DAB2: variants seen among roughly 807,000 people sequenced by gnomAD.
The protein encoded by DAB2 is DAB adaptor protein 2, also known as disabled homolog 2.
A neutral mutation model predicts 71.6 loss-of-function variants in DAB2; 28 were observed. That is an observed-to-expected ratio of 0.39 (90% confidence interval 0.29 to 0.54). The LOEUF is 0.54. Ranked by LOEUF, DAB2 falls within the 20% of genes least tolerant of loss-of-function variation. The pLI, the probability that DAB2 is intolerant of heterozygous loss-of-function variation, is 0.68. For synonymous variants in DAB2, 345 were observed against 339.7 expected, an observed-to-expected ratio of 1.02 and a Z score of -0.17; for missense variants, 867 against 928.8, an observed-to-expected ratio of 0.93 and a Z score of 0.86.
intron 14 of DAB2, among the ~76,000 whole-genome samples, chr5:39,374,250 C>T (rs1754766154): frequency 6.6e-6 from 1 of 151,376 alleles, no homozygotes; most frequent in Non-Finnish European, 1.5e-5. Flanking sequence ...ATTGTTCTAC[C>T]CCTACCAGCT....
chr5:39,384,681 G>A (rs1405438861), intron 9 of DAB2, among the ~76,000 whole-genome samples: 1 of 151,996 alleles, frequency 6.6e-6, no homozygotes, highest in Non-Finnish European at 1.5e-5. Context: ...TGATGAATCC[G>A]ACATGTCTTT....
chr5:39,381,928 C>G (rs1044923854), intron 10 of DAB2, among the ~76,000 whole-genome samples: 1 of 152,092 alleles, frequency 6.6e-6, no homozygotes, highest in African/African-American at 2.4e-5. Flanking sequence ...GTTGGGGGAG[C>G]AAGTGTGTAA....
chr5:39,412,881 G>T (rs1203301274), intron 1 of DAB2, among the ~76,000 whole-genome samples: 1 of 152,122 alleles, frequency 6.6e-6, no homozygotes, highest in African/African-American at 2.4e-5. Context: ...TTCAAAGACT[G>T]GGGCAACGTG....
intron 14 of DAB2, among the ~76,000 whole-genome samples, chr5:39,374,083 T>C (rs751848615): frequency 1.8e-4 from 27 of 152,168 alleles, no homozygotes; most frequent in Admixed American, 3.3e-4. Flanking sequence ...AAGCTCAATC[T>C]TATTGTTTTC....
At chr5:39,419,295 T>A (rs1755919415) in intron 1 of DAB2, among the ~76,000 whole-genome samples, 1 of 152,142 alleles carries the variant, frequency 6.6e-6, no homozygotes, top group African/African-American at 2.4e-5. Flanking sequence ...ACTGGGAGAT[T>A]TTCCATTGCT....
At chr5:39,419,644 T>A (rs900954785) in intron 1 of DAB2, among the ~76,000 whole-genome samples, 1 of 152,194 alleles carries the variant, frequency 6.6e-6, no homozygotes, top group Non-Finnish European at 1.5e-5. Flanking sequence ...GAGAAAACCA[T>A]CTGGTTCAAG....
In DAB2 at chr5:39,422,749, T is replaced by C. The variant is rs1256547916; in HGVS notation, c.-102+2055A>G. 1.3e-5 allele frequency among the ~76,000 whole-genome samples: 2 copies of C among 152,068 alleles called. No individual in the cohort carries two copies. The highest frequency in any genetic ancestry group is 1.9e-4 in the East Asian group (1 of 5,178). On this transcript the variant is annotated intron_variant, in intron 1 of 14. Transcript: ENST00000320816. The surrounding 1 kb of genome is among the most constrained non-coding windows in gnomAD (Gnocchi z 4.1). ...GCCAGAGGTCCCTGTACTACCTTCA[T>C]GCCAACAAGTGCCTTAAAAGCCGTA...
At chr5:39,396,102 C>T (rs1014972553) in intron 1 of DAB2, among the ~76,000 whole-genome samples, 1 of 151,908 alleles carries the variant, frequency 6.6e-6, no homozygotes, top group Non-Finnish European at 1.5e-5. Flanking sequence ...GTGAGGGGCA[C>T]TACGCCCGGC....
rs1261267025 is a variant in DAB2, at chr5:39,409,055, CAT to C, written c.-101-14636_-101-14635del. On this transcript the variant is annotated intron_variant, in intron 1 of 14. Transcript: ENST00000320816. ...TTTTTGTGATCATATAATAATACCA[CAT>C]GAGTCGAATTCCAGATCCAAAAGAA... Among the ~76,000 whole-genome samples, 7 of 151,882 alleles carry C rather than the reference CAT, an allele frequency of 4.6e-5. No homozygotes were observed. In the East Asian group the frequency reaches 5.8e-4, roughly 13 times the overall value.
chr5:39,387,015 G>A (rs1394872887), intron 9 of DAB2, among the ~76,000 whole-genome samples: 1 of 152,144 alleles, frequency 6.6e-6, no homozygotes, highest in Non-Finnish European at 1.5e-5. Flanking sequence ...AGGGCTCACT[G>A]CTAAAATGAA....
chr5:39,386,666 T>C (rs1755105403), intron 9 of DAB2, among the ~76,000 whole-genome samples: 1 of 152,234 alleles, frequency 6.6e-6, no homozygotes, highest in Non-Finnish European at 1.5e-5. Flanking sequence ...GTTTTCCATT[T>C]CCTTTTTTAG....
intron 4 of DAB2, among the ~76,000 whole-genome samples, chr5:39,391,977 AAAAAAT>A (rs1561371481): frequency 1.5e-5 from 2 of 137,356 alleles, no homozygotes; most frequent in Non-Finnish European, 3.2e-5. Flanking sequence ...AAAAAAAAAA[AAAAAAT>A]ATATATATAT....
chr5:39,399,735 G>T (rs750056227), intron 1 of DAB2, among the ~76,000 whole-genome samples: 7 of 152,180 alleles, frequency 4.6e-5, no homozygotes, highest in Non-Finnish European at 8.8e-5. Context: ...ATCTTAGAAT[G>T]ACTATGGGCT....
chr5:39,416,138 T>A (rs1173784334), intron 1 of DAB2, among the ~76,000 whole-genome samples: 1 of 152,098 alleles, frequency 6.6e-6, no homozygotes, highest in African/African-American at 2.4e-5. Context: ...CCTAAAAAGC[T>A]ATACCACGTT....
chr5:39,389,748 G>A (rs1561370547), intron 6 of DAB2, 104 bp downstream of exon 6: 1 of 646,444 alleles, frequency 1.5e-6, no homozygotes, highest in Non-Finnish European at 2.7e-6. Flanking sequence ...CTGACCTCAG[G>A]TGATCCACCC....
rs1465767091 is a variant in DAB2, at chr5:39,390,471, C to T, written c.435G>A (p.Gln145=). Residue 145 remains glutamine, a synonymous_variant, in exon 5 of 15, where the codon CAG becomes CAA. Coordinates refer to ENST00000320816, the MANE Select transcript of DAB2 (RefSeq NM_001343.4). ...GYVCGGEGQH[Q]FFAIKTGQQA... ...GTTGCCCGGTTTTTATGGCAAAAAA[C>T]TGATGCTGGCCTTCTCCTCCACACA... The T allele has an allele frequency of 5.0e-6, 8 of 1,613,964 alleles. No individual in the cohort carries two copies. In the Admixed American group the frequency reaches 5.0e-5, roughly 10 times the overall value.
Position 39,390,579 on chromosome 5 carries a change from A to T in DAB2, c.331-4T>A, listed in dbSNP as rs1269159198. The T allele has an allele frequency of 2.5e-6, 4 of 1,602,454 alleles. No homozygotes were observed. Among genetic ancestry groups the T allele is most frequent in the Non-Finnish European group, 3.4e-6 (4 of 1,172,602 alleles). On this transcript the variant is annotated splice_region_variant and splice_polypyrimidine_tract_variant and intron_variant, in intron 4 of 14. Coordinates refer to ENST00000320816, the MANE Select transcript of DAB2 (RefSeq NM_001343.4). The stretch of plus-strand genomic sequence containing the variant: ...CTGGATGTTCATGCTCTATTACCTT[A>T]AAAAAGAACATAAAGAGTAATTTAT...
At chr5:39,388,737 C>T (rs1755154506) in intron 8 of DAB2, 62 bp downstream of exon 8, 1 of 1,352,858 alleles carries the variant, frequency 7.4e-7, no homozygotes. Flanking sequence ...GCAACATCTA[C>T]AGGAAGTAGA....
At chr5:39,381,205 G>A (rs1048475447) in intron 11 of DAB2, among the ~76,000 whole-genome samples, 2 of 152,178 alleles carry the variant, frequency 1.3e-5, no homozygotes, top group African/African-American at 4.8e-5. Context: ...ATGACCAGTT[G>A]GTTCAAGTAA....
Sources: allele counts gnomAD v4.1 joint callset (sites outside exome capture counted in the v4.1 genomes callset), GRCh38; gene constraint gnomAD v4.1.1; non-coding constraint Gnocchi (gnomAD v3.1); transcripts MANE v1.5; gene names NCBI Gene and HGNC (gene_info 2026-07-23, HGNC 2026-07-21).